ASIC2: variants seen among roughly 807,000 people sequenced by gnomAD.
ASIC2 encodes the protein acid sensing ion channel subunit 2.
Under a neutral mutation model 57.3 loss-of-function variants are expected in ASIC2, and 25 were observed. The ratio of observed to expected loss-of-function variants is 0.44; its 90% confidence interval spans 0.32 to 0.61. The LOEUF (loss-of-function observed/expected upper bound fraction) is 0.61. ASIC2 is among the 20% of genes least tolerant of loss of function. The pLI, the probability that ASIC2 is intolerant of heterozygous loss-of-function variation, is 0.06. For missense variants in ASIC2, 641 were observed against 738.1 expected (o/e 0.87, Z 1.52); for synonymous variants, 319 against 307.5 (o/e 1.04, Z -0.39).
intron 3 of ASIC2, among the ~76,000 whole-genome samples, chr17:33,046,387 C>CA (rs1245436745): frequency 6.6e-6 from 1 of 152,184 alleles, no homozygotes; most frequent in African/African-American, 2.4e-5. Context: ...GAGCACATCT[C>CA]AATGCATTTG....
chr17:33,567,314 A>G (rs1916265259), intron 1 of ASIC2, among the ~76,000 whole-genome samples: 1 of 152,202 alleles, frequency 6.6e-6, no homozygotes, highest in Non-Finnish European at 1.5e-5. Context: ...CTGGAAAGGA[A>G]GACAGCAAGC....
chr17:33,504,847 G>A (rs1914203163), intron 1 of ASIC2, among the ~76,000 whole-genome samples: 1 of 152,106 alleles, frequency 6.6e-6, no homozygotes, highest in South Asian at 2.1e-4. Flanking sequence ...CATCCTGTTG[G>A]TTCAGGTCCA....
chr17:33,177,624 C>G (rs1167985895), intron 1 of ASIC2, among the ~76,000 whole-genome samples: 2 of 152,162 alleles, frequency 1.3e-5, no homozygotes, highest in Non-Finnish European at 2.9e-5. Context: ...CATCAGCTGA[C>G]AGCCCGGTAT....
chr17:33,449,092 C>G (rs1014748184), intron 1 of ASIC2, among the ~76,000 whole-genome samples: 3 of 152,292 alleles, frequency 2.0e-5, no homozygotes, highest in Middle Eastern at 3.4e-3. Context: ...GTTTTATAAA[C>G]AGAATGCCAC....
intron 1 of ASIC2, among the ~76,000 whole-genome samples, chr17:33,232,733 T>G (rs1908154257): frequency 6.6e-6 from 1 of 152,138 alleles, no homozygotes; most frequent in South Asian, 2.1e-4. Flanking sequence ...AGCCAAAAAG[T>G]CTGACATTTT....
At chr17:33,353,393 G>A (rs1435455416) in intron 1 of ASIC2, among the ~76,000 whole-genome samples, 2 of 152,130 alleles carry the variant, frequency 1.3e-5, no homozygotes, top group Non-Finnish European at 2.9e-5. Flanking sequence ...CTGGAGTGCA[G>A]TGGTGCAATC....
At chr17:34,026,753 G>A (rs768425322) in intron 1 of ASIC2, among the ~76,000 whole-genome samples, 7 of 152,136 alleles carry the variant, frequency 4.6e-5, no homozygotes, top group Non-Finnish European at 8.8e-5. Flanking sequence ...ACCTCATTTT[G>A]CAGATGAGAA....
At chr17:33,145,586 T>A (rs1904527710) in intron 1 of ASIC2, among the ~76,000 whole-genome samples, 1 of 152,240 alleles carries the variant, frequency 6.6e-6, no homozygotes, top group African/African-American at 2.4e-5. Context: ...CAACATTAAA[T>A]AGCCTTTGTT....
intron 1 of ASIC2, among the ~76,000 whole-genome samples, chr17:33,676,268 T>C (rs1362937130): frequency 6.6e-6 from 1 of 152,212 alleles, no homozygotes; most frequent in East Asian, 1.9e-4. Context: ...CAATGGCCTC[T>C]AAGTAGTCAA....
chr17:33,426,451 A>G (rs975321303), intron 1 of ASIC2, among the ~76,000 whole-genome samples: 8 of 152,344 alleles, frequency 5.3e-5, no homozygotes, highest in Admixed American at 4.6e-4. Context: ...CTTGACCACC[A>G]CAAAACTTTG....
intron 3 of ASIC2, among the ~76,000 whole-genome samples, chr17:33,041,909 G>A (rs1197305815): frequency 6.6e-6 from 1 of 152,122 alleles, no homozygotes; most frequent in African/African-American, 2.4e-5. Flanking sequence ...CTAGGATCAG[G>A]TGGCCCTGTG....
At chr17:33,562,430 C>G (rs1156600067) in intron 1 of ASIC2, among the ~76,000 whole-genome samples, 4 of 152,168 alleles carry the variant, frequency 2.6e-5, no homozygotes, top group African/African-American at 7.2e-5. Flanking sequence ...ATTGCCATTC[C>G]CATTCCTAAT....
intron 1 of ASIC2, among the ~76,000 whole-genome samples, chr17:33,481,985 C>A (rs979708619): frequency 6.6e-6 from 1 of 152,172 alleles, no homozygotes; most frequent in Non-Finnish European, 1.5e-5. Context: ...GACCTGCTGC[C>A]CTCTCCTTTC....
At position 33,298,679 on chromosome 17, in the gene ASIC2, T is replaced by G. The variant is rs1363693385; in HGVS notation, c.556-186612A>C. ...ATCCTTGAGGAATCACCACACTGTC[T>G]TCCACAATGGTTGAACTAGTTTACA... On this transcript the variant is annotated intron_variant, in intron 1 of 9. Coordinates refer to the ASIC2 transcript ENST00000359872. Among the ~76,000 whole-genome samples, 14 of 152,348 alleles carry G rather than the reference T, an allele frequency of 9.2e-5. 1 individual carries two copies. The East Asian group carries it at 1.9e-3, about 21-fold the overall frequency.
chr17:34,051,423 A>C (rs546282933), intron 1 of ASIC2, among the ~76,000 whole-genome samples: 1 of 152,348 alleles, frequency 6.6e-6, no homozygotes, highest in Admixed American at 6.5e-5. Flanking sequence ...AGCCTGCCTC[A>C]ATTCCCTCAC....
At chr17:33,395,949 T>C (rs1910062122) in intron 1 of ASIC2, among the ~76,000 whole-genome samples, 2 of 152,186 alleles carry the variant, frequency 1.3e-5, no homozygotes, top group African/African-American at 4.8e-5. Context: ...CCTAATCATA[T>C]AAGGCCTGAT....
intron 1 of ASIC2, among the ~76,000 whole-genome samples, chr17:33,904,886 T>C (rs1208116599): frequency 6.6e-6 from 1 of 152,196 alleles, no homozygotes; most frequent in African/African-American, 2.4e-5. Context: ...AGCAGGCTTG[T>C]ATGCCAACCA....
intron 1 of ASIC2, among the ~76,000 whole-genome samples, chr17:33,981,290 C>T (rs548347820): frequency 5.3e-5 from 8 of 152,272 alleles, no homozygotes; most frequent in African/African-American, 1.9e-4. Flanking sequence ...TAAACCATTG[C>T]AAGTAAATAT....
intron 1 of ASIC2, among the ~76,000 whole-genome samples, chr17:33,929,818 T>G (rs1226701463): frequency 6.6e-6 from 1 of 152,220 alleles, no homozygotes; most frequent in East Asian, 1.9e-4. Flanking sequence ...GTGCCTGTAT[T>G]ATTACAAAGC....
Sources: allele counts gnomAD v4.1 joint callset (sites outside exome capture counted in the v4.1 genomes callset), GRCh38; gene constraint gnomAD v4.1.1; transcripts MANE v1.5; gene names NCBI Gene and HGNC (gene_info 2026-07-23, HGNC 2026-07-21).